Variants in ANKK1 observed in about 807,000 individuals in gnomAD.
ANKK1 encodes ankyrin repeat and kinase domain containing 1, also known as ankyrin repeat and protein kinase domain-containing protein 1.
A neutral mutation model predicts 37.6 loss-of-function variants in ANKK1; 37 were observed. That is an observed-to-expected ratio of 0.98 (90% confidence interval 0.76 to 1.29). The LOEUF (loss-of-function observed/expected upper bound fraction) is 1.29. Among genes scored for constraint, ANKK1 ranks in the 50% most tolerant of loss-of-function variants. ANKK1 has a pLI of 0.00. For missense variants in ANKK1, 1,019 were observed against 990.6 expected, an observed-to-expected ratio of 1.03 and a Z score of -0.39; for synonymous variants, 415 against 418.7, an observed-to-expected ratio of 0.99 and a Z score of 0.11.
chr11:113,391,688 T>G lies in ANKK1; in HGVS notation c.186-1793T>G, dbSNP rs963446370. On this transcript the variant is annotated intron_variant, in intron 1 of 7. Coordinates refer to ENST00000303941, the MANE Select transcript of ANKK1 (RefSeq NM_178510.2). ...GATGAAAACTAAAGGAAGAGCAGGT[T>G]TCAGGGGAAAATCAGGAGGTTAGCT... is the stretch of plus-strand genomic sequence containing the variant. Among the ~76,000 whole-genome samples the G allele has an allele frequency of 2.6e-5, 4 of 152,142 alleles. No individual in the cohort carries two copies. The East Asian group carries it at 7.7e-4, about 29-fold the overall frequency.
At position 113,399,236 on chromosome 11, in the gene ANKK1, C is replaced by A. The variant is rs548499152; in HGVS notation, c.1267C>A (p.Arg423=). Residue 423 remains arginine (R), a synonymous_variant, in exon 8 of 8, where the codon CGA becomes AGA. Transcript: ENST00000303941. The part of the protein sequence containing the change: ...LLLAHGADAN[R]VDEDGWAPLH... ...TTTGGCACATGGTGCTGATGCCAACCGAGTGGATGAGGATGGCTGGGCCCC... is the reference window on the plus strand; with the variant it reads ...TTTGGCACATGGTGCTGATGCCAACAGAGTGGATGAGGATGGCTGGGCCCC... The A allele has an allele frequency of 6.2e-7, 1 of 1,607,674 alleles. No individual in the cohort carries two copies. The highest frequency in any genetic ancestry group is 8.5e-7 in the Non-Finnish European group (1 of 1,177,340).
At position 113,399,229 on chromosome 11, in the gene ANKK1, T is replaced by C. The variant is rs761182876; in HGVS notation, c.1260T>C (p.Asp420=). 1 of 1,607,422 alleles carries C rather than the reference T, an allele frequency of 6.2e-7. No individual in the cohort carries two copies. The highest frequency in any genetic ancestry group is 8.5e-7 in the Non-Finnish European group (1 of 1,177,198). Residue 420 remains aspartate (D), a synonymous_variant, in exon 8 of 8, where the codon GAT becomes GAC. Transcript: ENST00000303941. Reference sequence around the variant, plus strand: ...CCCTGCTTTTGGCACATGGTGCTGATGCCAACCGAGTGGATGAGGATGGCT... The same window carrying C: ...CCCTGCTTTTGGCACATGGTGCTGACGCCAACCGAGTGGATGAGGATGGCT... ...LCALLLAHGA[D]ANRVDEDGWA...
intron 1 of ANKK1, among the ~76,000 whole-genome samples, chr11:113,392,805 T>G (rs543567673): frequency 1.6e-4 from 25 of 152,322 alleles, no homozygotes; most frequent in Non-Finnish European, 3.1e-4. Flanking sequence ...TAAAATGGAA[T>G]AGTGTGCAGC....
chr11:113,393,805 T>C lies in ANKK1; in HGVS notation c.480+30T>C. 2 of 1,559,392 alleles carry C rather than the reference T, an allele frequency of 1.3e-6. 1 individual carries two copies. On this transcript the variant is annotated intron_variant, in intron 2 of 7. Coordinates refer to ENST00000303941, the MANE Select transcript of ANKK1 (RefSeq NM_178510.2). Reference sequence around the variant, plus strand: ...GGGCTCTGGCCAATCCTCCGCTCCCTTTCACTTGAGGGTTGCCTCCAGGTG... The same window carrying C: ...GGGCTCTGGCCAATCCTCCGCTCCCCTTCACTTGAGGGTTGCCTCCAGGTG...
In ANKK1 at chr11:113,393,834, A is replaced by G. The variant is rs573349413; in HGVS notation, c.480+59A>G. 2.0e-6 allele frequency: 3 copies of G among 1,515,438 alleles called. No homozygotes were observed. In the South Asian group the frequency reaches 3.9e-5, roughly 20 times the overall value. 93.9% of individuals were successfully genotyped at this position (1,515,438 alleles called of 1,614,324 possible). On this transcript the variant is annotated intron_variant, in intron 2 of 7. Transcript: ENST00000303941. ...ACTTGAGGGTTGCCTCCAGGTGAGC[A>G]GAATTATCCACCTGCCTGACCGGCC...
At position 113,388,046 on chromosome 11, in the gene ANKK1, C is replaced by T; in HGVS notation, c.162C>T (p.Pro54=). 2 of 1,526,526 alleles carry T rather than the reference C, an allele frequency of 1.3e-6. No homozygotes were observed. The highest frequency in any genetic ancestry group is 1.8e-6 in the Non-Finnish European group (2 of 1,134,908). 94.6% of individuals were successfully genotyped at this position (1,526,526 alleles called of 1,614,324 possible). A position where few individuals can be genotyped will look rare whatever the true frequency, so the allele number is the denominator to read the frequency against. The part of the protein sequence containing the change: ...WRTEYAIKCA[P]CLPPDAASSD... ...CGGAGTACGCCATCAAGTGCGCCCCCTGCCTTCCACCCGACGCCGCCAGGT... is the reference window on the plus strand; with the variant it reads ...CGGAGTACGCCATCAAGTGCGCCCCTTGCCTTCCACCCGACGCCGCCAGGT... Residue 54 remains proline (P), a synonymous_variant, in exon 1 of 8, where the codon CCC becomes CCT. Coordinates refer to ENST00000303941, the MANE Select transcript of ANKK1 (RefSeq NM_178510.2).
Position 113,397,840 on chromosome 11 carries a change from G to C in ANKK1, c.958-140G>C. On this transcript the variant is annotated intron_variant, in intron 6 of 7. Transcript: ENST00000303941. Reference sequence around the variant, plus strand: ...ACAGCTGGGGATAGTCATGGCAAAGGATAAAGGTTTCCCAGGATAGGGTGG... The same window carrying C: ...ACAGCTGGGGATAGTCATGGCAAAGCATAAAGGTTTCCCAGGATAGGGTGG... The C allele has an allele frequency of 3.1e-6, 3 of 955,110 alleles. No homozygotes were observed. In the South Asian group the frequency reaches 4.4e-5, roughly 14 times the overall value. The allele number at this position is 955,110 out of a possible 1,614,324, so 59.2% of individuals were successfully genotyped here.
chr11:113,400,232 G>C lies in ANKK1; in HGVS notation c.2263G>C (p.Gly755Arg), dbSNP rs775862159. 3 of 1,550,070 alleles carry C rather than the reference G, an allele frequency of 1.9e-6. No individual in the cohort carries two copies. Among genetic ancestry groups the C allele is most frequent in the Non-Finnish European group, 2.6e-6 (3 of 1,147,062 alleles). Reference protein sequence around the residue: ...EGKEPSVATLGGSKPGAEMEI With the variant: ...EGKEPSVATLRGSKPGAEMEI Reference sequence around the variant, plus strand: ...CAAGGAGCCGTCAGTGGCCACTCTGGGTGGTTCTAAGCCAGGAGCCGAGAT... The same window carrying C: ...CAAGGAGCCGTCAGTGGCCACTCTGCGTGGTTCTAAGCCAGGAGCCGAGAT... Residue 755 changes from glycine (G) to arginine (R), a missense_variant, in exon 8 of 8, where the codon GGT becomes CGT. Gly to Arg is a moderately radical substitution (Grantham distance 125, BLOSUM62 -2). Transcript: ENST00000303941.
At chr11:113,396,527 TG>T (rs1255133568) in intron 5 of ANKK1, among the ~76,000 whole-genome samples, 1 of 151,580 alleles carries the variant, frequency 6.6e-6, no homozygotes. Flanking sequence ...TTTTAAGAGA[TG>T]GGGGTCTCGC....
chr11:113,395,245 G>A lies in ANKK1; in HGVS notation c.633-114G>A, dbSNP rs77485056. On this transcript the variant is annotated intron_variant, in intron 3 of 7. Transcript: ENST00000303941. ...CAGAGGGCTGGGGAGTACTTTGGCC[G>A]GTGAGGCTTGCCTGGGACTGTGTGA... The A allele has an allele frequency of 6.2e-3, 9,301 of 1,510,174 alleles. 444 individuals carry two copies. The African/African-American group carries it at 0.11, about 18-fold the overall frequency. The allele number at this position is 1,510,174 out of a possible 1,614,324, so 93.5% of individuals were successfully genotyped here.
rs142311408 is a variant in ANKK1 at position 113,389,918 on chromosome 11, G to T, written c.185+1849G>T. 2.6e-3 allele frequency among the ~76,000 whole-genome samples: 402 copies of T among 152,176 alleles called. 1 individual carries two copies. The highest frequency in any genetic ancestry group is 8.1e-3 in the African/African-American group (336 of 41,418). ...CAGTATGGAGAATGCATTGGGAGGG[G>T]TAGAGTGGATTCTGGTTAAGTTAGG... On this transcript the variant is annotated intron_variant, in intron 1 of 7. Coordinates refer to ENST00000303941, the MANE Select transcript of ANKK1 (RefSeq NM_178510.2).
chr11:113,395,235 T>C lies in ANKK1; in HGVS notation c.633-124T>C, dbSNP rs376025379. On this transcript the variant is annotated intron_variant, in intron 3 of 7. Transcript: ENST00000303941. ...GCTGGAGAGGCAGAGGGCTGGGGAG[T>C]ACTTTGGCCGGTGAGGCTTGCCTGG... The C allele has an allele frequency of 1.2e-4, 184 of 1,494,522 alleles. 3 individuals carry two copies. The South Asian group carries it at 2.0e-3, about 17-fold the overall frequency. 92.6% of individuals were successfully genotyped at this position (1,494,522 alleles called of 1,614,324 possible). A position where few individuals can be genotyped will look rare whatever the true frequency, so the allele number is the denominator to read the frequency against.
intron 4 of ANKK1, 52 bp from the exon 5 acceptor site, chr11:113,396,015 C>A: frequency 1.3e-6 from 2 of 1,593,278 alleles, no homozygotes; most frequent in South Asian, 1.1e-5. Context: ...CTCCCCAGCT[C>A]CCCTCCAGCC....
Position 113,399,692 on chromosome 11 carries a change from A to C in ANKK1, c.1723A>C (p.Ile575Leu), listed in dbSNP as rs754746606. Reference protein sequence around the residue: ...HTAAARGKYLICKMLLRYGAS... With the variant: ...HTAAARGKYLLCKMLLRYGAS... ...TGCAGCTGCCAGGGGCAAATACCTG[A>C]TCTGCAAGATGCTGCTCAGGTACGG... The change falls in exon 8 of 8, where the codon ATC (isoleucine) becomes CTC (leucine). Residue 575 changes from isoleucine to leucine, a missense_variant. By Grantham distance (5) the Ile-to-Leu change is conservative. Coordinates refer to ENST00000303941, the MANE Select transcript of ANKK1 (RefSeq NM_178510.2). The C allele has an allele frequency of 1.3e-6, 2 of 1,597,744 alleles. No homozygotes were observed. Among genetic ancestry groups the C allele is most frequent in the South Asian group, 2.3e-5 (2 of 88,360 alleles).
Position 113,400,319 on chromosome 11 carries a change from G to A in ANKK1, c.*52G>A, listed in dbSNP as rs1950694142. 2.7e-5 allele frequency: 39 copies of A among 1,444,110 alleles called. No homozygotes were observed. Among genetic ancestry groups the A allele is most frequent in the Non-Finnish European group, 3.6e-5 (39 of 1,082,468 alleles). 89.5% of individuals were successfully genotyped at this position (1,444,110 alleles called of 1,614,324 possible). On this transcript the variant is annotated 3_prime_UTR_variant, in exon 8 of 8. Transcript: ENST00000303941. Reference sequence around the variant, plus strand: ...CGTCTGTAATCCCAGCACTTTGGGAGGCTGAGGCAGGCAGATCACCTGATA... The same window carrying A: ...CGTCTGTAATCCCAGCACTTTGGGAAGCTGAGGCAGGCAGATCACCTGATA...
At chr11:113,389,304 T>C (rs1950570806) in intron 1 of ANKK1, among the ~76,000 whole-genome samples, 1 of 152,172 alleles carries the variant, frequency 6.6e-6, no homozygotes, top group Admixed American at 6.5e-5. Flanking sequence ...AGATAATTAA[T>C]GGTAATTAAG....
intron 6 of ANKK1, 90 bp downstream of exon 6, chr11:113,397,432 C>T (rs1950648525): frequency 2.7e-6 from 3 of 1,106,248 alleles, no homozygotes; most frequent in East Asian, 2.5e-5. Flanking sequence ...ACACTGAGCA[C>T]TCATGCACAG....
chr11:113,392,683 G>A (rs1297171881), intron 1 of ANKK1, among the ~76,000 whole-genome samples: 1 of 152,212 alleles, frequency 6.6e-6, no homozygotes, highest in East Asian at 1.9e-4. Flanking sequence ...TGCTTATTTT[G>A]TAAGGCCTTC....
chr11:113,395,315 G>T (rs765099713), intron 3 of ANKK1, 44 bp from the exon 4 acceptor site: 3 of 1,611,950 alleles, frequency 1.9e-6, no homozygotes, highest in African/African-American at 1.3e-5. Context: ...GGTGATCTTG[G>T]ATGTTCAACT....
Sources: gnomAD v4.1 joint callset for allele counts (sites outside exome capture counted in the v4.1 genomes callset) on GRCh38, gnomAD v4.1.1 for gene constraint, MANE v1.5 for transcripts, NCBI Gene and HGNC (gene_info 2026-07-23, HGNC 2026-07-21) for gene names.